The following KLHL32 variants were observed in gnomAD, a reference collection of about 807,000 sequenced individuals.
The protein encoded by KLHL32 is kelch like family member 32, also known as kelch-like protein 32.
KLHL32 carries 35 observed loss-of-function variants against 64.8 expected under a neutral mutation model. That is an observed-to-expected ratio of 0.54 (90% CI 0.41 to 0.72). The LOEUF (loss-of-function observed/expected upper bound fraction) is 0.72, where lower values mean the gene tolerates loss of function less well. KLHL32 is among the 30% of genes least tolerant of loss of function. The probability of loss-of-function intolerance (pLI) is 0.00; values close to 1 mark genes in which losing one functional copy is unlikely to be tolerated. For synonymous variants in KLHL32, 259 were observed against 281.0 expected (o/e 0.92, Z 0.78); for missense variants, 589 against 768.5 (o/e 0.77, Z 2.76).
At chr6:96,922,208 GC>G (rs1467226461), upstream of KLHL32, among the ~76,000 whole-genome samples, 1 of 152,118 alleles carries the variant, frequency 6.6e-6, no homozygotes, top group Non-Finnish European at 1.5e-5. Flanking sequence ...TGAGGGACAG[GC>G]CAATGCTCCA....
intron 3 of KLHL32, among the ~76,000 whole-genome samples, chr6:97,016,121 G>A (rs1295405249): frequency 6.6e-6 from 1 of 152,248 alleles, no homozygotes; most frequent in African/African-American, 2.4e-5. Context: ...ATGCAGAAGG[G>A]AAATGTGGGG....
intron 6 of KLHL32, among the ~76,000 whole-genome samples, chr6:97,098,647 T>C (rs972884434): frequency 6.6e-6 from 1 of 152,238 alleles, no homozygotes; most frequent in African/African-American, 2.4e-5. Flanking sequence ...ATCCAGTTGC[T>C]GTTTTAATGC....
chr6:97,049,897 T>C (rs889926017), intron 4 of KLHL32, among the ~76,000 whole-genome samples: 4 of 152,196 alleles, frequency 2.6e-5, no homozygotes, highest in African/African-American at 9.7e-5. Context: ...CCAAGACCTG[T>C]CTCTTTCTCA....
the KLHL32 span, among the ~76,000 whole-genome samples, chr6:96,918,498 TGGG>T: frequency 6.6e-6 from 1 of 152,162 alleles, no homozygotes; most frequent in East Asian, 1.9e-4. Flanking sequence ...ATTACTACTG[TGGG>T]GTTAGAATTT....
chr6:96,974,781 C>T (rs1297139719), intron 2 of KLHL32, among the ~76,000 whole-genome samples: 2 of 152,232 alleles, frequency 1.3e-5, no homozygotes. Context: ...AATAAACCCA[C>T]CATGCAAACT....
At chr6:96,998,977 G>T (rs1037908468) in intron 3 of KLHL32, among the ~76,000 whole-genome samples, 1 of 152,066 alleles carries the variant, frequency 6.6e-6, no homozygotes. Context: ...GAAGAATATG[G>T]CTAAAGAATT....
At chr6:97,022,769 C>A (rs934788142) in intron 3 of KLHL32, among the ~76,000 whole-genome samples, 23 of 152,094 alleles carry the variant, frequency 1.5e-4, no homozygotes, top group African/African-American at 5.6e-4. Flanking sequence ...GGCGCCCAGC[C>A]CTGATCACCT....
chr6:97,103,957 C>T (rs1796080303), intron 6 of KLHL32, among the ~76,000 whole-genome samples: 1 of 152,174 alleles, frequency 6.6e-6, no homozygotes, highest in Admixed American at 6.5e-5. Flanking sequence ...AGGAGACTCT[C>T]TCATCAACTA....
At chr6:97,111,029 T>TTGGG (rs1797042945) in intron 6 of KLHL32, among the ~76,000 whole-genome samples, 1 of 144,596 alleles carries the variant, frequency 6.9e-6, no homozygotes, top group African/African-American at 2.8e-5. Context: ...CAGAAAAGTC[T>TTGGG]TGGGGGGGGG....
intron 5 of KLHL32, among the ~76,000 whole-genome samples, chr6:97,066,719 G>T (rs1237831138): frequency 1.3e-5 from 2 of 152,018 alleles, no homozygotes; most frequent in Non-Finnish European, 2.9e-5. Context: ...TATATACCCT[G>T]CTTCTCTCTT....
At chr6:96,986,323 A>G (rs1469094232) in intron 3 of KLHL32, among the ~76,000 whole-genome samples, 1 of 152,074 alleles carries the variant, frequency 6.6e-6, no homozygotes, top group African/African-American at 2.4e-5. Context: ...GGGGTCAGGG[A>G]CCCACTTGAG....
chr6:97,069,980 A>G (rs1317192839), intron 5 of KLHL32, among the ~76,000 whole-genome samples: 1 of 151,992 alleles, frequency 6.6e-6, no homozygotes, highest in Non-Finnish European at 1.5e-5. Context: ...TCACCCAAAT[A>G]CATAATATAT....
intron 1 of KLHL32, among the ~76,000 whole-genome samples, chr6:96,948,999 A>G (rs1388142053): frequency 6.6e-6 from 1 of 152,202 alleles, no homozygotes; most frequent in Non-Finnish European, 1.5e-5. Context: ...TTGCATAAGT[A>G]AGATTTTAGA....
chr6:97,063,119 G>T (rs1296223399), intron 4 of KLHL32, among the ~76,000 whole-genome samples: 4 of 152,202 alleles, frequency 2.6e-5, no homozygotes, highest in African/African-American at 9.6e-5. Context: ...TAAAGAACCA[G>T]TCTGGTTGAT....
intron 3 of KLHL32, among the ~76,000 whole-genome samples, chr6:97,010,849 A>G (rs1271764185): frequency 6.6e-6 from 1 of 152,182 alleles, no homozygotes; most frequent in East Asian, 1.9e-4. Context: ...TAAAACAATC[A>G]TTAGTTTCAC....
At chr6:96,970,815 G>T (rs951863190) in intron 2 of KLHL32, among the ~76,000 whole-genome samples, 10 of 152,124 alleles carry the variant, frequency 6.6e-5, no homozygotes, top group African/African-American at 2.4e-4. Flanking sequence ...TCATTTTAAA[G>T]TGTTTATAAA....
At chr6:97,062,053 T>C (rs1395543754) in intron 4 of KLHL32, among the ~76,000 whole-genome samples, 2 of 152,062 alleles carry the variant, frequency 1.3e-5, no homozygotes, top group African/African-American at 4.8e-5. Flanking sequence ...TATGTTATAA[T>C]GAGTGGAAGG....
intron 3 of KLHL32, among the ~76,000 whole-genome samples, chr6:97,013,125 G>C (rs1780633999): frequency 1.3e-5 from 2 of 152,142 alleles, no homozygotes; most frequent in Non-Finnish European, 2.9e-5. Flanking sequence ...TATAGTAAAT[G>C]CTCTTAAAAT....
At chr6:96,975,832 G>A (rs1167349663) in intron 2 of KLHL32, among the ~76,000 whole-genome samples, 165 bp from the exon 3 acceptor site, 1 of 152,120 alleles carries the variant, frequency 6.6e-6, no homozygotes, top group Non-Finnish European at 1.5e-5. Flanking sequence ...GAAAAAGGGA[G>A]AACAAGAGAA....
Sources: gnomAD v4.1 joint callset for allele counts (sites outside exome capture counted in the v4.1 genomes callset) on GRCh38, gnomAD v4.1.1 for gene constraint, MANE v1.5 for transcripts, NCBI Gene and HGNC (gene_info 2026-07-23, HGNC 2026-07-21) for gene names.